Variants in UNC5D observed in about 807,000 individuals in gnomAD.
The protein encoded by UNC5D is unc-5 netrin receptor D.
UNC5D carries 39 observed loss-of-function variants against 105.4 expected under a neutral mutation model. The observed-to-expected ratio is 0.37, with a 90% CI of 0.29 to 0.48. The LOEUF (loss-of-function observed/expected upper bound fraction) is 0.48, where lower values mean the gene tolerates loss of function less well. Among genes scored for constraint, UNC5D ranks in the 20% least tolerant of loss-of-function variants. The pLI is 0.98. For synonymous variants in UNC5D, 452 were observed against 450.4 expected (o/e 1.00, Z -0.04); for missense variants, 991 against 1,202.4 (o/e 0.82, Z 2.60).
At chr8:35,463,821 G>A (rs1325124428) in intron 1 of UNC5D, among the ~76,000 whole-genome samples, 1 of 151,336 alleles carries the variant, frequency 6.6e-6, no homozygotes, top group African/African-American at 2.4e-5. Flanking sequence ...CAACAATTTT[G>A]TCTGTTTGGT....
At chr8:35,240,813 T>C (rs1802758669) in intron 1 of UNC5D, among the ~76,000 whole-genome samples, 1 of 152,204 alleles carries the variant, frequency 6.6e-6, no homozygotes, top group African/African-American at 2.4e-5. Flanking sequence ...TCTATAAATA[T>C]GTTCAGATAA....
At chr8:35,320,729 A>C (rs905821214) in intron 1 of UNC5D, among the ~76,000 whole-genome samples, 2 of 152,064 alleles carry the variant, frequency 1.3e-5, no homozygotes, top group East Asian at 3.9e-4. Flanking sequence ...TGGACATCCA[A>C]AGGGAGGAGG....
chr8:35,670,183 C>T (rs1824686622), intron 4 of UNC5D, among the ~76,000 whole-genome samples: 1 of 152,056 alleles, frequency 6.6e-6, no homozygotes, highest in South Asian at 2.1e-4. Context: ...CCTTAACAGT[C>T]AAATAAGAAT....
At chr8:35,708,919 C>T (rs1827769846) in intron 8 of UNC5D, among the ~76,000 whole-genome samples, 1 of 152,164 alleles carries the variant, frequency 6.6e-6, no homozygotes, top group Admixed American at 6.5e-5. Context: ...TTAATCAAAT[C>T]CTTTTCCCAT....
intron 4 of UNC5D, among the ~76,000 whole-genome samples, chr8:35,663,645 G>T (rs941226383): frequency 1.3e-5 from 2 of 152,160 alleles, no homozygotes; most frequent in African/African-American, 4.8e-5. Context: ...AGTGGTTATG[G>T]TGTATACATG....
rs199850501 is a variant in UNC5D at position 35,585,548 on chromosome 8, GTGTGTA to G, written c.467-10004_467-9999del. ...AATATGTGTGTGTGTGTGTGTGTGTGTGTGTATATATGTACATATATATTCATTCTA... is the reference window on the plus strand; with the variant it reads ...AATATGTGTGTGTGTGTGTGTGTGTGTATATGTACATATATATTCATTCTA... On this transcript the variant is annotated intron_variant, in intron 3 of 16. Transcript: ENST00000404895. Among the ~76,000 whole-genome samples, 71 of 147,844 alleles carry G rather than the reference GTGTGTA, an allele frequency of 4.8e-4. 1 individual carries two copies. The highest frequency in any genetic ancestry group is 1.5e-3 in the African/African-American group (60 of 40,120).
At chr8:35,315,766 C>T (rs1400147727) in intron 1 of UNC5D, among the ~76,000 whole-genome samples, 1 of 152,176 alleles carries the variant, frequency 6.6e-6, no homozygotes, top group Non-Finnish European at 1.5e-5. Flanking sequence ...GATTTGTGAA[C>T]TTGTTCAAAG....
chr8:35,673,010 G>A lies in UNC5D; in HGVS notation c.571-10537G>A, dbSNP rs528324198. Among the ~76,000 whole-genome samples, 23 of 152,298 alleles carry A rather than the reference G, an allele frequency of 1.5e-4. No individual in the cohort carries two copies. The South Asian group carries it at 4.8e-3, about 32-fold the overall frequency. ...GTCATTTCATTCAGCATCAGTGAGT[G>A]TGATTCTGTCTGTGATCATGAGGTT... On this transcript the variant is annotated intron_variant, in intron 4 of 16. Coordinates refer to ENST00000404895, the MANE Select transcript of UNC5D (RefSeq NM_080872.4).
At chr8:35,730,674 T>C (rs1015166588) in intron 10 of UNC5D, among the ~76,000 whole-genome samples, 7 of 152,074 alleles carry the variant, frequency 4.6e-5, no homozygotes, top group African/African-American at 1.7e-4. Context: ...GCAGATTAAG[T>C]GATGTATGGA....
chr8:35,598,361 G>T (rs531399040), intron 4 of UNC5D, among the ~76,000 whole-genome samples: 6 of 152,148 alleles, frequency 3.9e-5, no homozygotes, highest in Non-Finnish European at 8.8e-5. Flanking sequence ...AAGCAGTGCT[G>T]CTCAAGGCTA....
chr8:35,383,385 T>C (rs1803163508), intron 1 of UNC5D, among the ~76,000 whole-genome samples: 1 of 152,204 alleles, frequency 6.6e-6, no homozygotes. Flanking sequence ...TGAGAAGCCA[T>C]AGTCACGTGG....
At chr8:35,497,062 G>T (rs1448087360) in intron 1 of UNC5D, among the ~76,000 whole-genome samples, 1 of 152,130 alleles carries the variant, frequency 6.6e-6, no homozygotes, top group African/African-American at 2.4e-5. Flanking sequence ...CCCTCATAGG[G>T]AATGAAGACC....
chr8:35,540,500 A>T (rs1463546950), intron 1 of UNC5D, among the ~76,000 whole-genome samples: 5 of 147,982 alleles, frequency 3.4e-5, no homozygotes, highest in African/African-American at 1.3e-4. Flanking sequence ...TTATGTGTTT[A>T]TTCTAGAAAC....
chr8:35,566,810 C>T (rs1817371303), intron 2 of UNC5D, among the ~76,000 whole-genome samples: 2 of 152,194 alleles, frequency 1.3e-5, no homozygotes, highest in South Asian at 4.1e-4. Flanking sequence ...TTTCTCCCAA[C>T]CGGCCTATCC....
intron 14 of UNC5D, among the ~76,000 whole-genome samples, chr8:35,762,776 T>TG (rs1347486510): frequency 6.6e-6 from 1 of 152,192 alleles, no homozygotes; most frequent in African/African-American, 2.4e-5. Flanking sequence ...CAATAAATTA[T>TG]TTATTTTTAA....
chr8:35,599,693 AC>A, intron 4 of UNC5D, among the ~76,000 whole-genome samples: 1 of 152,338 alleles, frequency 6.6e-6, no homozygotes. Context: ...ATGATTGGGT[AC>A]TAACAGGTGA....
chr8:35,669,865 A>G (rs1824664896), intron 4 of UNC5D, among the ~76,000 whole-genome samples: 2 of 152,290 alleles, frequency 1.3e-5, no homozygotes, highest in Middle Eastern at 6.8e-3. Context: ...AGTACCTTTG[A>G]GGTACACAAA....
At chr8:35,465,724 T>G (rs1451911277) in intron 1 of UNC5D, among the ~76,000 whole-genome samples, 1 of 152,162 alleles carries the variant, frequency 6.6e-6, no homozygotes, top group African/African-American at 2.4e-5. Context: ...TTAGGTTAGA[T>G]GGACTTGAAG....
chr8:35,423,651 G>A (rs1261265436), intron 1 of UNC5D, among the ~76,000 whole-genome samples: 1 of 152,112 alleles, frequency 6.6e-6, no homozygotes, highest in Admixed American at 6.5e-5. Context: ...TGTTATGACA[G>A]TTTTTAACAA....
Sources: gnomAD v4.1 joint callset for allele counts (sites outside exome capture counted in the v4.1 genomes callset) on GRCh38, gnomAD v4.1.1 for gene constraint, MANE v1.5 for transcripts, NCBI Gene and HGNC (gene_info 2026-07-23, HGNC 2026-07-21) for gene names.